Variants in TASP1 observed in about 807,000 individuals in gnomAD.
TASP1 encodes the protein threonine aspartase 1.
Under a neutral mutation model 56.6 loss-of-function variants are expected in TASP1, and 16 were observed. The observed-to-expected ratio is 0.28, with a 90% CI of 0.19 to 0.43. The LOEUF (loss-of-function observed/expected upper bound fraction) is 0.43. Among genes scored for constraint, TASP1 ranks in the 20% least tolerant of loss-of-function variants. The probability of loss-of-function intolerance (pLI) is 1.00; values close to 1 mark genes in which losing one functional copy is unlikely to be tolerated. For missense variants in TASP1, 393 were observed against 511.6 expected (o/e 0.77, Z 2.24); for synonymous variants, 179 against 184.2 (o/e 0.97, Z 0.23).
At chr20:13,299,683 G>C in the TASP1 span, 1 of 479,874 alleles carries the variant, frequency 2.1e-6, no homozygotes, top group African/African-American at 1.9e-5. This position sits in a 1 kb window ranked among gnomAD's most constrained non-coding sequence, Gnocchi z 5.8. Context: ...AGTGCCCCTG[G>C]GGAGCGATGT....
the TASP1 span, among the ~76,000 whole-genome samples, chr20:13,365,828 C>T: frequency 1.3e-5 from 2 of 152,106 alleles, no homozygotes; most frequent in Admixed American, 6.5e-5. Flanking sequence ...CGAAGTCTGG[C>T]TGTGGGGAGG....
the TASP1 span, among the ~76,000 whole-genome samples, chr20:13,124,726 A>G: frequency 1.3e-5 from 2 of 152,166 alleles, no homozygotes; most frequent in Non-Finnish European, 2.9e-5. Flanking sequence ...GTGCTGAGGA[A>G]GAGAAACTGT....
the TASP1 span, among the ~76,000 whole-genome samples, chr20:13,327,784 A>G: frequency 6.6e-6 from 1 of 152,202 alleles, no homozygotes; most frequent in African/African-American, 2.4e-5. Flanking sequence ...CCCCTTCACT[A>G]CGCCATATAC....
At chr20:13,261,627 C>T in the TASP1 span, among the ~76,000 whole-genome samples, 1 of 152,188 alleles carries the variant, frequency 6.6e-6, no homozygotes, top group African/African-American at 2.4e-5. Flanking sequence ...CTCCTGGCCC[C>T]AGTCCTTTCC....
chr20:13,422,893 G>C (rs1384633889), intron 12 of TASP1, among the ~76,000 whole-genome samples: 1 of 152,146 alleles, frequency 6.6e-6, no homozygotes, highest in African/African-American at 2.4e-5. Flanking sequence ...CTGAAATGCT[G>C]ATTCATGGAT....
chr20:13,228,082 C>T, the TASP1 span, among the ~76,000 whole-genome samples: 124 of 151,046 alleles, frequency 8.2e-4, no homozygotes, highest in African/African-American at 2.8e-3. Context: ...AAGCGATTCT[C>T]GTGCCTCAGC....
At chr20:13,139,406 A>T in the TASP1 span, among the ~76,000 whole-genome samples, 1 of 152,172 alleles carries the variant, frequency 6.6e-6, no homozygotes, top group African/African-American at 2.4e-5. Context: ...TTTTTTCCTA[A>T]CATAAAGTCC....
the TASP1 span, among the ~76,000 whole-genome samples, chr20:13,364,367 C>G: frequency 6.6e-6 from 1 of 152,126 alleles, no homozygotes; most frequent in African/African-American, 2.4e-5. Flanking sequence ...GTCATCTCAA[C>G]TGTCCTGAGC....
At chr20:13,600,980 T>A (rs185022947) in intron 4 of TASP1, among the ~76,000 whole-genome samples, 6 of 152,176 alleles carry the variant, frequency 3.9e-5, no homozygotes, top group Admixed American at 3.9e-4. Context: ...GCAAGAAATG[T>A]ACAAGGTAAG....
At chr20:13,367,316 G>A in the TASP1 span, among the ~76,000 whole-genome samples, 72,373 of 152,076 alleles carry the variant, frequency 0.48, 19,204 homozygotes, top group Non-Finnish European at 0.59. Flanking sequence ...TAAACAAAAT[G>A]TATTAGTCTT....
At chr20:13,169,508 A>G in the TASP1 span, among the ~76,000 whole-genome samples, 2 of 152,194 alleles carry the variant, frequency 1.3e-5, no homozygotes, top group Non-Finnish European at 2.9e-5. Flanking sequence ...GAAACTGGGC[A>G]ACTGAGATGG....
the TASP1 span, among the ~76,000 whole-genome samples, chr20:13,248,527 G>C: frequency 6.6e-6 from 1 of 152,190 alleles, no homozygotes; most frequent in Non-Finnish European, 1.5e-5. Flanking sequence ...TTCCCAGCAA[G>C]TGATTTCATA....
chr20:13,135,480 G>A, the TASP1 span, among the ~76,000 whole-genome samples: 1 of 152,214 alleles, frequency 6.6e-6, no homozygotes, highest in East Asian at 1.9e-4. Flanking sequence ...TTAACCTGAT[G>A]CATCTAGTGA....
At chr20:13,593,402 G>A (rs2047608309) in intron 4 of TASP1, among the ~76,000 whole-genome samples, 1 of 152,170 alleles carries the variant, frequency 6.6e-6, no homozygotes, top group African/African-American at 2.4e-5. Flanking sequence ...GCTGGGTGGG[G>A]CATCGCCTCA....
chr20:13,528,894 G>A lies in TASP1; in HGVS notation c.796-383C>T, dbSNP rs539570284. Reference sequence around the variant, plus strand: ...AACTAGGTGTGTGTCAGATCACTTGGGGAGCTTACTGATAAGAACCCTGAT... The same window carrying A: ...AACTAGGTGTGTGTCAGATCACTTGAGGAGCTTACTGATAAGAACCCTGAT... On this transcript the variant is annotated intron_variant, in intron 9 of 13. Coordinates refer to ENST00000337743, the MANE Select transcript of TASP1 (RefSeq NM_017714.3). 4.6e-5 allele frequency among the ~76,000 whole-genome samples: 7 copies of A among 152,058 alleles called. No homozygotes were observed. In the South Asian group the frequency reaches 1.0e-3, roughly 23 times the overall value.
chr20:13,279,866 G>A, the TASP1 span: 16 of 1,613,770 alleles, frequency 9.9e-6, no homozygotes, highest in African/African-American at 1.3e-5. Context: ...CCAGGCCACC[G>A]GACTTTTGAA....
At chr20:13,370,339 C>T in the TASP1 span, among the ~76,000 whole-genome samples, 4 of 151,806 alleles carry the variant, frequency 2.6e-5, no homozygotes, top group East Asian at 1.9e-4. Context: ...CATAATGTAA[C>T]GTAATTTATT....
At chr20:13,564,322 C>A (rs1042288344) in intron 7 of TASP1, among the ~76,000 whole-genome samples, 2 of 151,974 alleles carry the variant, frequency 1.3e-5, no homozygotes, top group Non-Finnish European at 2.9e-5. Context: ...ATTAAGAAAG[C>A]AATCCCATTT....
intron 8 of TASP1, among the ~76,000 whole-genome samples, chr20:13,553,281 T>G (rs1303562275): frequency 1.3e-5 from 2 of 152,090 alleles, no homozygotes; most frequent in African/African-American, 4.8e-5. Flanking sequence ...TATTTAAAGG[T>G]CATGGAACAA....
Sources: gnomAD v4.1 joint callset for allele counts (sites outside exome capture counted in the v4.1 genomes callset) on GRCh38, gnomAD v4.1.1 for gene constraint, Gnocchi (gnomAD v3.1) non-coding constraint, MANE v1.5 for transcripts, NCBI Gene and HGNC (gene_info 2026-07-23, HGNC 2026-07-21) for gene names.